FBXO28: variants seen among roughly 807,000 people sequenced by gnomAD.
FBXO28 encodes the protein F-box only protein 28.
Under a neutral mutation model 38.1 loss-of-function variants are expected in FBXO28, and 8 were observed. The ratio of observed to expected loss-of-function variants is 0.21; its 90% CI spans 0.12 to 0.38. The LOEUF (loss-of-function observed/expected upper bound fraction) is 0.38, where lower values mean the gene tolerates loss of function less well. Among genes scored for constraint, FBXO28 ranks in the 10% least tolerant of loss-of-function variants. The probability of loss-of-function intolerance (pLI) is 1.00; values close to 1 mark genes in which losing one functional copy is unlikely to be tolerated. For synonymous variants in FBXO28, 168 were observed against 173.8 expected (o/e 0.97, Z 0.26); for missense variants, 345 against 460.6 (o/e 0.75, Z 2.30).
chr1:224,152,079 T>C (rs568923208), intron 3 of FBXO28, among the ~76,000 whole-genome samples: 48 of 151,990 alleles, frequency 3.2e-4, no homozygotes, highest in African/African-American at 1.0e-3. Context: ...AGGTCTATTC[T>C]GAAGCCACAG....
chr1:224,157,590 G>T lies in FBXO28; in HGVS notation c.951G>T (p.Leu317Phe). ...TCATAGGTGAACAAAATGCACGGTT[G>T]GCAGAGCTAGAACGCAAACTACGAG... ...TQIIGEQNAR[L>F]AELERKLREV... Residue 317 changes from leucine (L) to phenylalanine (F), a missense_variant, in exon 5 of 5, where the codon TTG (leucine) becomes TTT (phenylalanine). Coordinates refer to ENST00000366862, the MANE Select transcript of FBXO28 (RefSeq NM_015176.4). 6.2e-7 allele frequency: 1 copy of T among 1,614,266 alleles called. No homozygotes were observed. Among genetic ancestry groups the T allele is most frequent in the Non-Finnish European group, 8.5e-7 (1 of 1,180,048 alleles).
chr1:224,123,215 C>A (rs1344849965), intron 1 of FBXO28, among the ~76,000 whole-genome samples: 1 of 151,876 alleles, frequency 6.6e-6, no homozygotes, highest in Non-Finnish European at 1.5e-5. Context: ...TATTTTGGTT[C>A]TCTGTTTATC....
chr1:224,128,845 G>A (rs534076790), intron 1 of FBXO28, among the ~76,000 whole-genome samples: 88 of 151,994 alleles, frequency 5.8e-4, no homozygotes, highest in Middle Eastern at 3.4e-3. Flanking sequence ...AATTAGCTGC[G>A]CGGGGTGGTG....
At chr1:224,119,550 C>T (rs1252790987) in intron 1 of FBXO28, among the ~76,000 whole-genome samples, 1 of 152,084 alleles carries the variant, frequency 6.6e-6, no homozygotes, top group Non-Finnish European at 1.5e-5. Flanking sequence ...GTTCGTTCTT[C>T]CAGTTCTCAC....
chr1:224,118,044 G>C (rs1656685819), intron 1 of FBXO28, among the ~76,000 whole-genome samples: 1 of 151,226 alleles, frequency 6.6e-6, no homozygotes, highest in Non-Finnish European at 1.5e-5. Context: ...TAATTTTTGA[G>C]ACAGGGTCTC....
intron 1 of FBXO28, among the ~76,000 whole-genome samples, chr1:224,122,837 T>C (rs764862235): frequency 6.6e-6 from 1 of 152,210 alleles, no homozygotes; most frequent in Non-Finnish European, 1.5e-5. Context: ...AAATCCCTTA[T>C]TACCTCAAGA....
intron 1 of FBXO28, among the ~76,000 whole-genome samples, chr1:224,121,506 AGG>A (rs1558186675): frequency 1.6e-4 from 24 of 152,000 alleles, no homozygotes; most frequent in Middle Eastern, 3.2e-3. Flanking sequence ...CTTAGGCAGT[AGG>A]TAGAAGAGAG....
rs539598223 is a variant in FBXO28, at chr1:224,158,231, A to T, written c.*485A>T. 83 of 986,722 alleles carry T rather than the reference A, an allele frequency of 8.4e-5. No individual in the cohort carries two copies. In the South Asian group the frequency reaches 3.3e-3, roughly 39 times the overall value. 61.1% of individuals were successfully genotyped at this position (986,722 alleles called of 1,614,324 possible). A position where few individuals can be genotyped will look rare whatever the true frequency, so the allele number is the denominator to read the frequency against. ...CCTTTGTCTGGAATGTCTGAAAAGT[A>T]GTTAATGCTTTTTGGTATTGAAGTA... On this transcript the variant is annotated 3_prime_UTR_variant, in exon 5 of 5. Coordinates refer to ENST00000366862, the MANE Select transcript of FBXO28 (RefSeq NM_015176.4).
intron 3 of FBXO28, among the ~76,000 whole-genome samples, chr1:224,150,689 C>T (rs1558196618): frequency 6.6e-6 from 1 of 152,134 alleles, no homozygotes; most frequent in Non-Finnish European, 1.5e-5. Context: ...ACCTGAAAGA[C>T]TTTTCTCCCC....
At chr1:224,145,985 G>A (rs887110197) in intron 3 of FBXO28, among the ~76,000 whole-genome samples, 5 of 151,724 alleles carry the variant, frequency 3.3e-5, no homozygotes, top group Admixed American at 1.3e-4. Context: ...AGAACTGCTT[G>A]TATCCGGGAG....
chr1:224,139,980 C>A (rs2131305), intron 3 of FBXO28, among the ~76,000 whole-genome samples: 151,501 of 152,250 alleles, frequency 1, 75,384 homozygotes, highest in Middle Eastern at 1. Flanking sequence ...AGCCCCAGCT[C>A]CTTGGGCGGC....
At chr1:224,145,223 G>A (rs989501837) in intron 3 of FBXO28, among the ~76,000 whole-genome samples, 4 of 144,948 alleles carry the variant, frequency 2.8e-5, no homozygotes, top group Non-Finnish European at 6.0e-5. Context: ...GAACCAGGGA[G>A]GCAGAGGTTT....
At chr1:224,122,571 T>C (rs1352830575) in intron 1 of FBXO28, among the ~76,000 whole-genome samples, 2 of 152,130 alleles carry the variant, frequency 1.3e-5, no homozygotes, top group Non-Finnish European at 1.5e-5. Flanking sequence ...CCCACTTTTT[T>C]CATTCTTTCA....
rs1657835865 is a variant in FBXO28 at position 224,159,045 on chromosome 1, G to T, written c.*1299G>T. The T allele has an allele frequency of 6.6e-6, 1 of 152,492 alleles. No individual in the cohort carries two copies. Among genetic ancestry groups the T allele is most frequent in the Non-Finnish European group, 1.5e-5 (1 of 68,016 alleles). 9.4% of individuals were successfully genotyped at this position (152,492 alleles called of 1,614,324 possible). On this transcript the variant is annotated 3_prime_UTR_variant, in exon 5 of 5. Transcript: ENST00000366862. The stretch of plus-strand genomic sequence containing the variant: ...AACAACCTCCAAATTGTGTACAGTG[G>T]TTATTTTCCCCAGTTGTATAGTTTT...
chr1:224,135,846 C>T (rs10916355), intron 3 of FBXO28, among the ~76,000 whole-genome samples: 62,514 of 151,442 alleles, frequency 0.41, 13,091 homozygotes, highest in East Asian at 0.56. Flanking sequence ...ACCAGCCTGG[C>T]GAACATGGGG....
At chr1:224,125,235 T>A (rs1656878364) in intron 1 of FBXO28, among the ~76,000 whole-genome samples, 1 of 151,742 alleles carries the variant, frequency 6.6e-6, no homozygotes, top group Non-Finnish European at 1.5e-5. Context: ...CCACCTCAGC[T>A]TCCCAAGTAG....
At chr1:224,122,486 A>G (rs1272488545) in intron 1 of FBXO28, among the ~76,000 whole-genome samples, 3 of 152,160 alleles carry the variant, frequency 2.0e-5, no homozygotes, top group African/African-American at 4.8e-5. Flanking sequence ...GTTGTCCCCA[A>G]AATGTTCTTT....
At chr1:224,127,015 A>C (rs1165030119) in intron 1 of FBXO28, among the ~76,000 whole-genome samples, 1 of 151,692 alleles carries the variant, frequency 6.6e-6, no homozygotes, top group African/African-American at 2.4e-5. Flanking sequence ...AATAACATAA[A>C]AGTTTTTTTT....
chr1:224,148,734 C>T (rs570215047), intron 3 of FBXO28, among the ~76,000 whole-genome samples: 2 of 152,254 alleles, frequency 1.3e-5, no homozygotes, highest in African/African-American at 4.8e-5. Context: ...TGCATAACTA[C>T]TGTATAAATG....
Sources: allele counts gnomAD v4.1 joint callset (sites outside exome capture counted in the v4.1 genomes callset), GRCh38; gene constraint gnomAD v4.1.1; transcripts MANE v1.5; gene names NCBI Gene and HGNC (gene_info 2026-07-23, HGNC 2026-07-21).